SCAPER: variants seen among roughly 807,000 people sequenced by gnomAD.
SCAPER encodes the protein S phase cyclin A-associated protein in the endoplasmic reticulum.
A neutral mutation model predicts 182.2 loss-of-function variants in SCAPER; 98 were observed. The ratio of observed to expected loss-of-function variants is 0.54; its 90% CI spans 0.46 to 0.64. The LOEUF is 0.64. Ranked by LOEUF, SCAPER falls within the 30% of genes least tolerant of loss-of-function variation. The pLI is 0.00. For missense variants in SCAPER, 1,432 were observed against 1,690.0 expected, an observed-to-expected ratio of 0.85 and a Z score of 2.68; for synonymous variants, 605 against 564.6, an observed-to-expected ratio of 1.07 and a Z score of -1.01.
At position 76,702,851 on chromosome 15, in the gene SCAPER, A is replaced by G; in HGVS notation, c.2399T>C (p.Leu800Pro). 1 of 1,600,482 alleles carries G rather than the reference A, an allele frequency of 6.2e-7. No individual in the cohort carries two copies. The highest frequency in any genetic ancestry group is 1.4e-5 in the African/African-American group (1 of 73,988). The change falls in exon 19 of 32, where the codon CTG becomes CCG. Residue 800 changes from leucine (L) to proline (P), a missense_variant and splice_region_variant. Coordinates refer to ENST00000563290, the MANE Select transcript of SCAPER (RefSeq NM_020843.4). Reference sequence around the variant, plus strand: ...TACAATATTGATATAACAACCTACCAGGACATTGCAGAGAGAACACTGCTT... The same window carrying G: ...TACAATATTGATATAACAACCTACCGGGACATTGCAGAGAGAACACTGCTT... Reference protein sequence around the residue: ...RKKQCSLCNVLISSEVYLFSH... With the variant: ...RKKQCSLCNVPISSEVYLFSH...
At position 76,604,990 on chromosome 15, in the gene SCAPER, C is replaced by A. The variant is rs570053288; in HGVS notation, c.2711+16774G>T. ...TCTGCAAACAGGGACAACTTGACTT[C>A]CTCTTTTCCTAATTGAATACCATTT... On this transcript the variant is annotated intron_variant, in intron 22 of 31. Coordinates refer to ENST00000563290, the MANE Select transcript of SCAPER (RefSeq NM_020843.4). Among the ~76,000 whole-genome samples the A allele has an allele frequency of 2.1e-3, 315 of 152,242 alleles. 2 individuals carry two copies. The highest frequency in any genetic ancestry group is 7.2e-3 in the African/African-American group (301 of 41,540).
At chr15:76,574,076 T>C in intron 23 of SCAPER, 82 bp downstream of exon 23, 2 of 1,383,180 alleles carry the variant, frequency 1.4e-6, no homozygotes, top group South Asian at 3.1e-5. Context: ...ATATACTGAG[T>C]CTGCCTTATA....
At chr15:76,896,039 C>CAA (rs762065173) in intron 1 of SCAPER, among the ~76,000 whole-genome samples, 38 of 103,778 alleles carry the variant, frequency 3.7e-4, no homozygotes, top group African/African-American at 1.3e-3. Flanking sequence ...GACTCTGTCT[C>CAA]AAAAAAAAAA....
At chr15:76,778,258 A>G (rs2063865146) in intron 8 of SCAPER, among the ~76,000 whole-genome samples, 1 of 152,188 alleles carries the variant, frequency 6.6e-6, no homozygotes, top group Admixed American at 6.5e-5. Context: ...TGAGATAATT[A>G]TATTTTAAAA....
At chr15:76,860,869 A>T (rs536216931) in intron 3 of SCAPER, among the ~76,000 whole-genome samples, 1 of 152,300 alleles carries the variant, frequency 6.6e-6, no homozygotes, top group South Asian at 2.1e-4. Context: ...AGATGTTCTC[A>T]AAGAATGGAA....
At position 76,771,798 on chromosome 15, in the gene SCAPER, A is replaced by G; in HGVS notation, c.1192T>C (p.Phe398Leu). 1.2e-6 allele frequency: 2 copies of G among 1,613,100 alleles called. No individual in the cohort carries two copies. Among genetic ancestry groups the G allele is most frequent in the Non-Finnish European group, 1.7e-6 (2 of 1,179,420 alleles). Reference sequence around the variant, plus strand: ...TCTATCCTTGCTTTCTCTGCTGGAAATTTTTCTTCATTTACTTGTAAAGGA... The same window carrying G: ...TCTATCCTTGCTTTCTCTGCTGGAAGTTTTTCTTCATTTACTTGTAAAGGA... ...TPPLQVNEEK[F>L]PAEKARIENE... is the part of the protein sequence containing the mutation. The change falls in exon 10 of 32, where the codon TTT becomes CTT. Residue 398 changes from phenylalanine to leucine, a missense_variant. By Grantham distance (22) the Phe-to-Leu change is conservative. Around this residue, in one of 5 missense-constraint regions of SCAPER, gnomAD observed 480 missense variants for 510.2 expected, o/e 0.94. Transcript: ENST00000563290.
At chr15:76,804,731 C>T (rs943624292) in intron 5 of SCAPER, 98 bp from the exon 6 acceptor site, 16 of 642,348 alleles carry the variant, frequency 2.5e-5, no homozygotes, top group South Asian at 7.8e-5. Context: ...GTAGTTTTTA[C>T]ATTATACTCT....
intron 25 of SCAPER, among the ~76,000 whole-genome samples, chr15:76,441,766 A>G (rs1220584732): frequency 1.3e-5 from 2 of 152,022 alleles, no homozygotes; most frequent in Non-Finnish European, 2.9e-5. Context: ...TGCTTACTCA[A>G]CTTTATTTTT....
intron 21 of SCAPER, among the ~76,000 whole-genome samples, chr15:76,632,286 T>C (rs2053184643): frequency 1.3e-5 from 2 of 151,716 alleles, no homozygotes; most frequent in Non-Finnish European, 2.9e-5. Context: ...ACCTGCTGGG[T>C]TCAAACAACT....
chr15:76,375,142 CA>C (rs1287249948), intron 29 of SCAPER, among the ~76,000 whole-genome samples: 1 of 135,442 alleles, frequency 7.4e-6, no homozygotes, highest in African/African-American at 2.8e-5. Context: ...CGCTTGAGCC[CA>C]GGGGGTCAAG....
At chr15:76,462,091 C>T (rs549260673) in intron 25 of SCAPER, among the ~76,000 whole-genome samples, 2 of 152,128 alleles carry the variant, frequency 1.3e-5, no homozygotes, top group South Asian at 2.1e-4. Context: ...TGTCTTTGCC[C>T]TGAATTCTGT....
chr15:76,716,720 G>C (rs2059905556), intron 17 of SCAPER, among the ~76,000 whole-genome samples: 1 of 151,894 alleles, frequency 6.6e-6, no homozygotes, highest in East Asian at 1.9e-4. Flanking sequence ...AAAGAACCTT[G>C]AAGGTTTCTG....
chr15:76,635,580 G>A (rs2146302525), intron 21 of SCAPER, among the ~76,000 whole-genome samples: 1 of 152,184 alleles, frequency 6.6e-6, no homozygotes, highest in South Asian at 2.1e-4. Context: ...TGTGCCACTA[G>A]AAATTCTATT....
At chr15:76,587,855 A>G (rs561464372) in intron 22 of SCAPER, among the ~76,000 whole-genome samples, 1 of 151,618 alleles carries the variant, frequency 6.6e-6, no homozygotes, top group East Asian at 1.9e-4. Flanking sequence ...TGACCTGCCT[A>G]GTGCTGTCAG....
chr15:76,428,895 A>ATATATATATATATATATATATATAT (rs1432164273), intron 26 of SCAPER, among the ~76,000 whole-genome samples: 3 of 44,872 alleles, frequency 6.7e-5, no homozygotes, highest in South Asian at 1.8e-3. Context: ...TATATATATA[A>ATATATATATATATATATATATATAT]ACATCAAAAT....
At chr15:76,611,988 C>A (rs2051041205) in intron 22 of SCAPER, among the ~76,000 whole-genome samples, 1 of 152,048 alleles carries the variant, frequency 6.6e-6, no homozygotes, top group African/African-American at 2.4e-5. Context: ...GCCAACATTG[C>A]ACTAAACAGG....
intron 17 of SCAPER, among the ~76,000 whole-genome samples, chr15:76,715,040 C>T (rs568173211): frequency 4.6e-5 from 7 of 152,236 alleles, no homozygotes; most frequent in South Asian, 2.1e-4. Context: ...CTACCACAAA[C>T]GGCCAAGCTA....
intron 3 of SCAPER, 46 bp downstream of exon 3, chr15:76,862,370 C>T (rs1199059236): frequency 9.7e-6 from 12 of 1,231,396 alleles, no homozygotes; most frequent in Non-Finnish European, 1.4e-5. Flanking sequence ...CTAAATACAC[C>T]CTCCTTATTT....
chr15:76,446,439 T>C (rs934368232), intron 25 of SCAPER, among the ~76,000 whole-genome samples: 2 of 152,220 alleles, frequency 1.3e-5, no homozygotes, highest in Non-Finnish European at 2.9e-5. Context: ...TTGCAATAGC[T>C]GCCCAAAAGA....
Sources: gnomAD v4.1 joint callset for allele counts (sites outside exome capture counted in the v4.1 genomes callset) on GRCh38, gnomAD v4.1.1 for gene constraint, gnomAD v4.1.1 regional missense constraint, MANE v1.5 for transcripts, NCBI Gene and HGNC (gene_info 2026-07-23, HGNC 2026-07-21) for gene names.